The following LMNTD1 variants were observed in gnomAD, a reference collection of about 807,000 sequenced individuals.
LMNTD1 encodes the protein lamin tail domain-containing protein 1.
In LMNTD1, 35 loss-of-function variants were observed where a neutral mutation model predicts 50.9. The ratio of observed to expected loss-of-function variants is 0.69; its 90% CI spans 0.53 to 0.91. The LOEUF (loss-of-function observed/expected upper bound fraction) is 0.91, where lower values mean the gene tolerates loss of function less well. Ranked by LOEUF, LMNTD1 falls within the 40% of genes least tolerant of loss-of-function variation. The pLI is 0.00. For synonymous variants in LMNTD1, 153 were observed against 161.9 expected (o/e 0.94, Z 0.42); for missense variants, 470 against 475.5 (o/e 0.99, Z 0.11).
intron 1 of LMNTD1, chr12:25,648,349 C>T: frequency 1.5e-6 from 1 of 655,982 alleles, no homozygotes; most frequent in South Asian, 1.9e-5. Context: ...TTAGAAATTT[C>T]ACGTTTATGA....
intron 1 of LMNTD1, among the ~76,000 whole-genome samples, chr12:25,591,566 T>G (rs887336331): frequency 7.9e-5 from 12 of 152,134 alleles, no homozygotes; most frequent in African/African-American, 2.9e-4. Flanking sequence ...CCCCTGGACA[T>G]GCCCAGGGCC....
chr12:25,604,792 G>A (rs1266250945), intron 1 of LMNTD1, among the ~76,000 whole-genome samples: 1 of 152,134 alleles, frequency 6.6e-6, no homozygotes, highest in South Asian at 2.1e-4. Context: ...ATTGTGAACA[G>A]CGCTGCAATA....
At chr12:25,648,559 C>T (rs1226766545), upstream of LMNTD1, 2 of 1,551,140 alleles carry the variant, frequency 1.3e-6, no homozygotes, top group Non-Finnish European at 1.7e-6. Flanking sequence ...CATGTAGTGT[C>T]CTTAAGCTTC....
chr12:25,562,610 G>A (rs1487665172), intron 1 of LMNTD1, among the ~76,000 whole-genome samples: 3 of 152,180 alleles, frequency 2.0e-5, no homozygotes, highest in Non-Finnish European at 2.9e-5. Flanking sequence ...ACAATTATGT[G>A]TCTTGGAGTT....
chr12:25,588,252 G>A (rs932605860), intron 1 of LMNTD1, among the ~76,000 whole-genome samples: 5 of 152,128 alleles, frequency 3.3e-5, no homozygotes, highest in African/African-American at 7.2e-5. Flanking sequence ...TGACTCATCT[G>A]GAATTAACAT....
At chr12:25,503,150 C>T (rs1939481143) in intron 9 of LMNTD1, 1 of 152,218 alleles carries the variant, frequency 6.6e-6, no homozygotes. Context: ...GAATCTTCAT[C>T]AAAACACCAC....
intron 1 of LMNTD1, among the ~76,000 whole-genome samples, chr12:25,564,117 C>A (rs144123385): frequency 2.0e-5 from 3 of 152,140 alleles, no homozygotes; most frequent in African/African-American, 7.2e-5. Context: ...GGCAATGCCC[C>A]GCCCTGCTCC....
chr12:25,607,904 T>G (rs1946150249), intron 1 of LMNTD1, among the ~76,000 whole-genome samples: 1 of 152,190 alleles, frequency 6.6e-6, no homozygotes, highest in Non-Finnish European at 1.5e-5. Flanking sequence ...ACTTTCTGTC[T>G]TGTTGATCTG....
chr12:25,644,438 C>T (rs149361153), intron 1 of LMNTD1, among the ~76,000 whole-genome samples: 1 of 151,878 alleles, frequency 6.6e-6, no homozygotes, highest in Non-Finnish European at 1.5e-5. Flanking sequence ...GGTGCTGCCA[C>T]TGCATTCCAG....
At chr12:25,522,515 C>G (rs1413863252) in intron 6 of LMNTD1, among the ~76,000 whole-genome samples, 2 of 152,178 alleles carry the variant, frequency 1.3e-5, no homozygotes, top group Non-Finnish European at 2.9e-5. Context: ...AGTTCTATCA[C>G]ATTACTTATC....
intron 9 of LMNTD1, chr12:25,500,083 A>G (rs1939301031): frequency 6.6e-6 from 1 of 152,198 alleles, no homozygotes; most frequent in Non-Finnish European, 1.5e-5. Flanking sequence ...AAAATTCATG[A>G]AATTTCAACT....
chr12:25,494,975 C>T (rs945234094), intron 9 of LMNTD1, among the ~76,000 whole-genome samples: 2 of 152,038 alleles, frequency 1.3e-5, no homozygotes, highest in African/African-American at 4.8e-5. Flanking sequence ...GCTTTGTACC[C>T]TTTGAGCAAC....
At chr12:25,629,814 A>AAT (rs1555125565) in intron 1 of LMNTD1, among the ~76,000 whole-genome samples, 1 of 152,120 alleles carries the variant, frequency 6.6e-6, no homozygotes, top group Non-Finnish European at 1.5e-5. Context: ...GAGAAAGAAA[A>AAT]ATATATATAG....
chr12:25,548,787 A>G (rs1359362578), intron 3 of LMNTD1, among the ~76,000 whole-genome samples: 2 of 152,006 alleles, frequency 1.3e-5, no homozygotes, highest in Non-Finnish European at 2.9e-5. Context: ...TCAAAACTTT[A>G]CTTTTTCTGA....
chr12:25,570,118 C>A lies in LMNTD1; in HGVS notation c.59-23564G>T, dbSNP rs565914799. 2.6e-5 allele frequency among the ~76,000 whole-genome samples: 4 copies of A among 152,202 alleles called. No homozygotes were observed. In the South Asian group the frequency reaches 8.3e-4, roughly 32 times the overall value. On this transcript the variant is annotated intron_variant, in intron 1 of 7. Transcript: ENST00000445693. ...AATCATTATATTATACCATTCCCTG[C>A]AAAATACTGAGCGCCATCGTTTACA...
At chr12:25,529,250 C>T (rs1432089484) in intron 4 of LMNTD1, among the ~76,000 whole-genome samples, 9 of 152,142 alleles carry the variant, frequency 5.9e-5, no homozygotes, top group African/African-American at 1.9e-4. Flanking sequence ...GTTCTTAGCC[C>T]TCTTTTATTT....
intron 8 of LMNTD1, among the ~76,000 whole-genome samples, chr12:25,511,043 T>G (rs1479511): frequency 0.14 from 21,049 of 152,062 alleles, 1,735 homozygotes; most frequent in South Asian, 0.24. Flanking sequence ...TAAGTGAAAC[T>G]TTAAGGATGA....
At chr12:25,566,322 T>G (rs1202015406) in intron 1 of LMNTD1, among the ~76,000 whole-genome samples, 3 of 152,214 alleles carry the variant, frequency 2.0e-5, no homozygotes, top group Non-Finnish European at 4.4e-5. Flanking sequence ...CAGTGTATTT[T>G]CAAATAGCTT....
At chr12:25,617,194 T>C (rs377495567) in intron 1 of LMNTD1, among the ~76,000 whole-genome samples, 86 of 152,322 alleles carry the variant, frequency 5.6e-4, no homozygotes, top group African/African-American at 1.9e-3. Context: ...TTAGCTATAG[T>C]ATTTAATGTT....
Sources: allele counts gnomAD v4.1 joint callset (sites outside exome capture counted in the v4.1 genomes callset), GRCh38; gene constraint gnomAD v4.1.1; transcripts MANE v1.5; gene names NCBI Gene and HGNC (gene_info 2026-07-23, HGNC 2026-07-21).